The following PRR16 variants were observed in gnomAD, a reference collection of about 807,000 sequenced individuals.
The protein encoded by PRR16 is proline rich 16.
In PRR16, 6 loss-of-function variants were observed where a neutral mutation model predicts 18.2. That is an observed-to-expected ratio of 0.33 (90% CI 0.18 to 0.65). The LOEUF is 0.65. Ranked by LOEUF, PRR16 falls within the 30% of genes least tolerant of loss-of-function variation. The pLI is 0.74. For synonymous variants in PRR16, 151 were observed against 147.8 expected, an observed-to-expected ratio of 1.02 and a Z score of -0.16; for missense variants, 412 against 376.6, an observed-to-expected ratio of 1.09 and a Z score of -0.78.
chr5:120,690,694 C>T (rs200927783), downstream of PRR16, among the ~76,000 whole-genome samples: 3 of 152,080 alleles, frequency 2.0e-5, no homozygotes, highest in South Asian at 2.1e-4. Context: ...TTGGAGTCTT[C>T]GAATTCTTCA....
intron 1 of PRR16, among the ~76,000 whole-genome samples, chr5:120,594,682 G>T (rs988046236): frequency 6.6e-6 from 1 of 152,020 alleles, no homozygotes; most frequent in Non-Finnish European, 1.5e-5. Flanking sequence ...AAAGCTGGAG[G>T]CATCATGCTG....
At position 120,464,345 on chromosome 5, in the gene PRR16, C is replaced by T. The variant is rs1749005516; in HGVS notation, c.-142C>T. On this transcript the variant is annotated 5_prime_UTR_variant, in exon 1 of 2. Transcript: ENST00000407149. ...TGCGGCCGCCCGGCCGAGCGCGGAG[C>T]GCAGCCACTCGCCGCTGCCCAGGGA... is the stretch of plus-strand genomic sequence containing the variant. The T allele has an allele frequency of 1.1e-6, 1 of 879,442 alleles. No individual in the cohort carries two copies. The highest frequency in any genetic ancestry group is 3.9e-5 in the Admixed American group (1 of 25,812). 54.5% of individuals were successfully genotyped at this position (879,442 alleles called of 1,614,324 possible). A position where few individuals can be genotyped will look rare whatever the true frequency, so the allele number is the denominator to read the frequency against.
intron 1 of PRR16, among the ~76,000 whole-genome samples, chr5:120,549,979 G>A (rs747130755): frequency 6.6e-6 from 1 of 151,934 alleles, no homozygotes; most frequent in South Asian, 2.1e-4. Flanking sequence ...AGGGGATGTG[G>A]CCTACTCAGG....
intron 1 of PRR16, among the ~76,000 whole-genome samples, chr5:120,508,217 C>T (rs2112853039): frequency 6.6e-6 from 1 of 152,190 alleles, no homozygotes; most frequent in East Asian, 1.9e-4. Flanking sequence ...ACAAAACTTC[C>T]ATCTTGAGAA....
At chr5:120,619,166 C>T (rs370020761) in intron 1 of PRR16, among the ~76,000 whole-genome samples, 2 of 152,078 alleles carry the variant, frequency 1.3e-5, no homozygotes, top group South Asian at 2.1e-4. Flanking sequence ...CGTGATGCCC[C>T]ACACATAATT....
intron 1 of PRR16, among the ~76,000 whole-genome samples, chr5:120,581,132 C>T (rs974871301): frequency 6.6e-6 from 1 of 152,130 alleles, no homozygotes; most frequent in Non-Finnish European, 1.5e-5. Flanking sequence ...TAGAATTCAC[C>T]TGTAAATCCG....
At chr5:120,782,528 C>CT in the PRR16 span, among the ~76,000 whole-genome samples, 1 of 152,086 alleles carries the variant, frequency 6.6e-6, no homozygotes. Context: ...TCCTGGCTAC[C>CT]TATTTTCCCT....
the PRR16 span, among the ~76,000 whole-genome samples, chr5:120,778,644 A>C: frequency 1.3e-5 from 2 of 152,190 alleles, no homozygotes; most frequent in Non-Finnish European, 2.9e-5. Flanking sequence ...TGTATTCAGC[A>C]GATTAGTCAT....
the PRR16 span, among the ~76,000 whole-genome samples, chr5:120,736,717 C>T: frequency 5.3e-5 from 8 of 152,058 alleles, no homozygotes; most frequent in South Asian, 1.7e-3. Flanking sequence ...TCAATCATCT[C>T]ATGAACATTG....
chr5:120,594,023 T>A (rs1024326994), intron 1 of PRR16, among the ~76,000 whole-genome samples: 1 of 152,090 alleles, frequency 6.6e-6, no homozygotes, highest in Non-Finnish European at 1.5e-5. Flanking sequence ...GAGCCACTTA[T>A]GACAAACCCA....
At chr5:120,730,244 C>T in the PRR16 span, among the ~76,000 whole-genome samples, 1 of 152,082 alleles carries the variant, frequency 6.6e-6, no homozygotes, top group Non-Finnish European at 1.5e-5. Context: ...CAGCTCTCTA[C>T]AGGATGAATT....
chr5:120,653,414 A>G (rs1241670701), intron 1 of PRR16, among the ~76,000 whole-genome samples: 2 of 152,118 alleles, frequency 1.3e-5, no homozygotes, highest in Non-Finnish European at 2.9e-5. Context: ...ATTAAGAAAC[A>G]GTATAGTATT....
chr5:120,563,136 T>C (rs1752627636), intron 1 of PRR16, among the ~76,000 whole-genome samples: 1 of 152,184 alleles, frequency 6.6e-6, no homozygotes, highest in African/African-American at 2.4e-5. Flanking sequence ...TGAGGGATAT[T>C]TTTGCCAGCT....
the PRR16 span, among the ~76,000 whole-genome samples, chr5:120,705,668 A>G: frequency 6.6e-6 from 1 of 152,156 alleles, no homozygotes; most frequent in East Asian, 1.9e-4. Context: ...TCAGGATATA[A>G]GTTAATAACA....
the PRR16 span, among the ~76,000 whole-genome samples, chr5:120,701,514 A>T: frequency 6.6e-6 from 1 of 152,100 alleles, no homozygotes; most frequent in Non-Finnish European, 1.5e-5. Flanking sequence ...GCTGGGCAGG[A>T]GGGGGAGGGC....
chr5:120,654,086 C>A (rs1755883654), intron 1 of PRR16, among the ~76,000 whole-genome samples: 1 of 152,030 alleles, frequency 6.6e-6, no homozygotes. Flanking sequence ...GTAGACCCAG[C>A]CAATAGAGTT....
intron 1 of PRR16, among the ~76,000 whole-genome samples, chr5:120,478,306 G>A (rs937691493): frequency 6.6e-6 from 1 of 152,086 alleles, no homozygotes; most frequent in African/African-American, 2.4e-5. Flanking sequence ...TTATCTTCTT[G>A]CCTAATATAT....
intron 1 of PRR16, among the ~76,000 whole-genome samples, chr5:120,587,805 A>G (rs2085178): frequency 0.017 from 2,661 of 152,330 alleles, 72 homozygotes; most frequent in African/African-American, 0.06. Flanking sequence ...TTTTGACTTT[A>G]AAGTCTTATC....
At chr5:120,562,183 A>G (rs1356090132) in intron 1 of PRR16, among the ~76,000 whole-genome samples, 1 of 152,088 alleles carries the variant, frequency 6.6e-6, no homozygotes, top group African/African-American at 2.4e-5. Context: ...ATATATATTT[A>G]TAATTATTGT....
Sources: gnomAD v4.1 joint callset for allele counts (sites outside exome capture counted in the v4.1 genomes callset) on GRCh38, gnomAD v4.1.1 for gene constraint, MANE v1.5 for transcripts, NCBI Gene and HGNC (gene_info 2026-07-23, HGNC 2026-07-21) for gene names.